Variants in KIFBP observed in about 807,000 individuals in gnomAD.
KIFBP encodes KIF-binding protein.
Under a neutral mutation model 58.9 loss-of-function variants are expected in KIFBP, and 46 were observed. That is an observed-to-expected ratio of 0.78 (90% CI 0.62 to 1.00). The LOEUF is 1.00. Ranked by LOEUF, KIFBP falls within the 50% of genes least tolerant of loss-of-function variation. The pLI, the probability that KIFBP is intolerant of heterozygous loss-of-function variation, is 0.00. For missense variants in KIFBP, 651 were observed against 752.9 expected (o/e 0.86, Z 1.58); for synonymous variants, 241 against 283.4 (o/e 0.85, Z 1.50).
intron 4 of KIFBP, among the ~76,000 whole-genome samples, chr10:69,008,391 A>AAAAAATATAT: frequency 1.3e-4 from 9 of 71,592 alleles, no homozygotes; most frequent in Admixed American, 3.6e-4. Context: ...AAAAAAAAAA[A>AAAAAATATAT]ATATATATAT....
intron 1 of KIFBP, chr10:68,989,578 G>T (rs2132104893): frequency 4.3e-6 from 2 of 464,594 alleles, no homozygotes; most frequent in Non-Finnish European, 7.8e-6. Flanking sequence ...ATCGTCATGC[G>T]CTTTCCTCTC....
Position 68,989,032 on chromosome 10 carries a change from C to A in KIFBP, c.200C>A (p.Pro67Gln), listed in dbSNP as rs750004526. ...GAGCGGCCTGAGGCCGAGGACGGCC[C>A]GGGTGCCGGTGACCACGCCCTGGGG... is the stretch of plus-strand genomic sequence containing the variant. ...EDERPEAEDGPGAGDHALGLP... is the reference protein window; with the variant it reads ...EDERPEAEDGQGAGDHALGLP... Residue 67 changes from proline to glutamine, a missense_variant, in exon 1 of 7, where the codon CCG (proline) becomes CAG (glutamine). Pro to Gln is a moderately conservative substitution (Grantham distance 76). Coordinates refer to ENST00000361983, the MANE Select transcript of KIFBP (RefSeq NM_015634.4). 3 of 1,613,536 alleles carry A rather than the reference C, an allele frequency of 1.9e-6. No individual in the cohort carries two copies. In the East Asian group the frequency reaches 6.7e-5, roughly 36 times the overall value.
At chr10:69,005,184 T>C (rs929473075) in intron 3 of KIFBP, 59 bp downstream of exon 3, 4 of 1,268,770 alleles carry the variant, frequency 3.2e-6, no homozygotes, top group Non-Finnish European at 4.6e-6. Context: ...GATTAGTGAT[T>C]GTTCAAAAAG....
At chr10:68,991,678 GGGTAAAGGCT>G (rs1843348260) in intron 1 of KIFBP, 1 of 185,548 alleles carries the variant, frequency 5.4e-6, no homozygotes. Flanking sequence ...CTGAGCAAAA[GGGTAAAGGCT>G]GTGGGCCTGA....
rs142031762 is a variant in KIFBP at position 68,993,267 on chromosome 10, G to C, written c.426+4009G>C. Among the ~76,000 whole-genome samples, 319 of 152,142 alleles carry C rather than the reference G, an allele frequency of 2.1e-3. 1 individual carries two copies. Among genetic ancestry groups the C allele is most frequent in the Middle Eastern group, 0.01 (3 of 292 alleles). The stretch of plus-strand genomic sequence containing the variant: ...CTTACTGACATCCACTCATGTTCCT[G>C]GTATGACCTGGATTGCTGCCTGGTC... On this transcript the variant is annotated intron_variant, in intron 1 of 6. Transcript: ENST00000361983.
Position 69,008,824 on chromosome 10 carries a change from GT to G in KIFBP, c.790-14del. The stretch of plus-strand genomic sequence containing the variant: ...CTGTGTGATAGTTGCATTCACTGTT[GT>G]TTATTTCCCCAATAGCTATGCTTTA... On this transcript the variant is annotated splice_polypyrimidine_tract_variant and intron_variant, in intron 4 of 6. Transcript: ENST00000361983. 1 of 1,596,942 alleles carries G rather than the reference GT, an allele frequency of 6.3e-7. No individual in the cohort carries two copies. Among genetic ancestry groups the G allele is most frequent in the Non-Finnish European group, 8.6e-7 (1 of 1,164,604 alleles).
At chr10:68,989,394 A>G in intron 1 of KIFBP, 136 bp downstream of exon 1, 6 of 977,164 alleles carry the variant, frequency 6.1e-6, no homozygotes, top group Non-Finnish European at 7.8e-6. Flanking sequence ...CTGAGTCCCA[A>G]AGAGCGTCTG....
At chr10:69,001,861 C>T (rs1475668910) in intron 2 of KIFBP, among the ~76,000 whole-genome samples, 1 of 152,056 alleles carries the variant, frequency 6.6e-6, no homozygotes, top group Non-Finnish European at 1.5e-5. Context: ...TTGCTAAATT[C>T]ATGCGTCAGA....
At chr10:69,001,624 C>T (rs561770943) in intron 2 of KIFBP, among the ~76,000 whole-genome samples, 8 of 151,970 alleles carry the variant, frequency 5.3e-5, no homozygotes, top group South Asian at 4.1e-4. Flanking sequence ...TGGTGGCGCA[C>T]GCCTGTAGTC....
chr10:69,006,453 A>G (rs1291817980), intron 4 of KIFBP, among the ~76,000 whole-genome samples: 1 of 152,170 alleles, frequency 6.6e-6, no homozygotes, highest in Non-Finnish European at 1.5e-5. Context: ...TTACACAGGG[A>G]CAATGTTTTT....
At chr10:69,011,488 G>A (rs1007739133) in intron 6 of KIFBP, among the ~76,000 whole-genome samples, 3 of 148,432 alleles carry the variant, frequency 2.0e-5, no homozygotes, top group African/African-American at 7.5e-5. Flanking sequence ...TGGTCTCCCC[G>A]GCTCATGCAG....
chr10:69,014,395 T>C (rs576464573), intron 6 of KIFBP, among the ~76,000 whole-genome samples: 3 of 152,266 alleles, frequency 2.0e-5, no homozygotes, highest in South Asian at 2.1e-4. Context: ...TGAAGCAACA[T>C]GTTTAGAAGT....
intron 1 of KIFBP, among the ~76,000 whole-genome samples, chr10:68,998,319 T>C (rs752986792): frequency 6.6e-6 from 1 of 152,176 alleles, no homozygotes; most frequent in Non-Finnish European, 1.5e-5. Flanking sequence ...CATTATATAA[T>C]GTGTCTAATA....
intron 4 of KIFBP, 46 bp downstream of exon 4, chr10:69,005,961 A>T: frequency 4.6e-6 from 7 of 1,520,708 alleles, no homozygotes; most frequent in Non-Finnish European, 6.4e-6. Flanking sequence ...AATAGTGAGT[A>T]TAAAAATAGA....
In KIFBP at chr10:69,012,995, G is replaced by A. The variant is rs974680727; in HGVS notation, c.990+1980G>A. On this transcript the variant is annotated intron_variant, in intron 6 of 6. Transcript: ENST00000361983. ...CCCTCAGGAAACTTAGAATCATGGC[G>A]GAAGGCGAAAGAGAAGCAAGCATGT... Among the ~76,000 whole-genome samples the A allele has an allele frequency of 5.3e-5, 8 of 152,030 alleles. No individual in the cohort carries two copies. The South Asian group carries it at 1.0e-3, about 20-fold the overall frequency.
At chr10:68,990,960 A>G (rs1843337463) in intron 1 of KIFBP, among the ~76,000 whole-genome samples, 1 of 152,156 alleles carries the variant, frequency 6.6e-6, no homozygotes, top group Non-Finnish European at 1.5e-5. Flanking sequence ...GAAGAAGACT[A>G]TAAGCCATAT....
intron 2 of KIFBP, among the ~76,000 whole-genome samples, chr10:69,002,734 A>C (rs1014677666): frequency 6.6e-6 from 1 of 151,950 alleles, no homozygotes; most frequent in Non-Finnish European, 1.5e-5. Flanking sequence ...AAAACTAAAA[A>C]AAAATTAGCT....
rs770201721 is a variant in KIFBP at position 68,989,001 on chromosome 10, G to A, written c.169G>A (p.Glu57Lys). The stretch of plus-strand genomic sequence containing the variant: ...GCTGCTCGGCCCTGCGCCTGAGGAC[G>A]AGGATGAGCGGCCTGAGGCCGAGGA... ...KALLGPAPED[E>K]DERPEAEDGP... The change falls in exon 1 of 7, where the codon GAG becomes AAG. Residue 57 changes from glutamate (E) to lysine (K), a missense_variant. Glu to Lys is a moderately conservative substitution (Grantham distance 56, BLOSUM62 1). Coordinates refer to ENST00000361983, the MANE Select transcript of KIFBP (RefSeq NM_015634.4). 5 of 1,614,182 alleles carry A rather than the reference G, an allele frequency of 3.1e-6. No individual in the cohort carries two copies. In the South Asian group the frequency reaches 5.5e-5, roughly 18 times the overall value.
At chr10:69,000,683 A>G (rs1843457837) in intron 2 of KIFBP, among the ~76,000 whole-genome samples, 161 bp downstream of exon 2, 1 of 152,234 alleles carries the variant, frequency 6.6e-6, no homozygotes, top group Admixed American at 6.5e-5. Context: ...ATTATTGCAT[A>G]TTAAAGACTT....
Sources: allele counts gnomAD v4.1 joint callset (sites outside exome capture counted in the v4.1 genomes callset), GRCh38; gene constraint gnomAD v4.1.1; transcripts MANE v1.5; gene names NCBI Gene and HGNC (gene_info 2026-07-23, HGNC 2026-07-21).